PIGX: variants seen among roughly 807,000 people sequenced by gnomAD.
The protein encoded by PIGX is phosphatidylinositol glycan anchor biosynthesis class X, also known as GPI alpha-1,4-mannosyltransferase I, stabilizing subunit.
PIGX carries 24 observed loss-of-function variants against 28.7 expected under a neutral mutation model. The ratio of observed to expected loss-of-function variants is 0.84; its 90% CI spans 0.60 to 1.17. The LOEUF is 1.17. Ranked by LOEUF, PIGX falls within the 50% of genes most tolerant of loss-of-function variation. The pLI, the probability that PIGX is intolerant of heterozygous loss-of-function variation, is 0.00. For missense variants in PIGX, 305 were observed against 317.8 expected (o/e 0.96, Z 0.31); for synonymous variants, 127 against 121.0 (o/e 1.05, Z -0.33).
rs1712943904 is a variant in PIGX, at chr3:196,734,816, G to A, written c.*914G>A. ...TATATGAATTGGCAAAGGACTTGAT[G>A]AAACTGAGTACTAAGATTTGGTACA... On this transcript the variant is annotated 3_prime_UTR_variant, in exon 6 of 6. Transcript: ENST00000392391. 1 of 152,146 alleles carries A rather than the reference G, an allele frequency of 6.6e-6. No individual in the cohort carries two copies. Among genetic ancestry groups the A allele is most frequent in the Admixed American group, 6.5e-5 (1 of 15,272 alleles). 9.4% of individuals were successfully genotyped at this position (152,146 alleles called of 1,614,324 possible).
At chr3:196,718,235 G>T (rs937534629) in intron 2 of PIGX, among the ~76,000 whole-genome samples, 2 of 152,014 alleles carry the variant, frequency 1.3e-5, no homozygotes, top group African/African-American at 4.8e-5. Flanking sequence ...GCTTGAACCC[G>T]GGAGGCAGAG....
At position 196,716,866 on chromosome 3, in the gene PIGX, GC is replaced by G; in HGVS notation, c.123del (p.Met42CysfsTer7). 1 of 1,600,140 alleles carries G rather than the reference GC, an allele frequency of 6.2e-7. No individual in the cohort carries two copies. The highest frequency in any genetic ancestry group is 8.6e-7 in the Non-Finnish European group (1 of 1,168,262). On this transcript the variant is annotated frameshift_variant, in exon 2 of 6. Transcript: ENST00000392391. LOFTEE classifies it high-confidence loss of function. The stretch of plus-strand genomic sequence containing the variant: ...TCGTTTGGTTCTTATAGGCATAAGG[GC>G]CATGTGTTCTGAAATTATTTTGAGG...
At chr3:196,712,831 G>A (rs777724130) in intron 1 of PIGX, 187 bp downstream of exon 1, 27 of 1,098,348 alleles carry the variant, frequency 2.5e-5, no homozygotes, top group Non-Finnish European at 3.0e-5. Flanking sequence ...GGCGGATCCC[G>A]GGTCTCCGGG....
rs1331979092 is a variant in PIGX, at chr3:196,734,706, A to T, written c.*804A>T. The T allele has an allele frequency of 2.0e-5, 3 of 152,258 alleles. No individual in the cohort carries two copies. The highest frequency in any genetic ancestry group is 7.2e-5 in the African/African-American group (3 of 41,462). The allele number at this position is 152,258 out of a possible 1,614,324, so 9.4% of individuals were successfully genotyped here. The stretch of plus-strand genomic sequence containing the variant: ...GGACAGCTAAGAAATTAATATTAAT[A>T]TCAAAATTATTGATAATCTTAAATT... On this transcript the variant is annotated 3_prime_UTR_variant, in exon 6 of 6. Coordinates refer to ENST00000392391, the MANE Select transcript of PIGX (RefSeq NM_017861.4).
At chr3:196,717,830 G>C (rs1346396078) in intron 2 of PIGX, 1 of 151,964 alleles carries the variant, frequency 6.6e-6, no homozygotes, top group Non-Finnish European at 1.5e-5. Flanking sequence ...TGACCAAGCT[G>C]TTTCCAAAAA....
At chr3:196,722,614 G>T (rs1712366447) in intron 3 of PIGX, 58 bp downstream of exon 3, 3 of 1,442,160 alleles carry the variant, frequency 2.1e-6, no homozygotes, top group Non-Finnish European at 2.9e-6. Context: ...CTGTAGTTTG[G>T]ATTAAGGAAA....
chr3:196,720,616 G>C (rs947951798), intron 2 of PIGX, among the ~76,000 whole-genome samples: 1 of 152,144 alleles, frequency 6.6e-6, no homozygotes, highest in Non-Finnish European at 1.5e-5. Flanking sequence ...AGAGTTTTCT[G>C]TAGTGGCCAC....
intron 4 of PIGX, among the ~76,000 whole-genome samples, chr3:196,730,769 A>G (rs921624663): frequency 1.3e-5 from 2 of 151,078 alleles, no homozygotes; most frequent in Non-Finnish European, 2.9e-5. Context: ...AAAAAAAAAA[A>G]AAGAAGTCAT....
chr3:196,722,880 C>T (rs1467931205), intron 3 of PIGX, among the ~76,000 whole-genome samples: 2 of 151,872 alleles, frequency 1.3e-5, no homozygotes, highest in Non-Finnish European at 2.9e-5. Flanking sequence ...TGACATATAC[C>T]CCAACATCTG....
intron 3 of PIGX, chr3:196,726,564 CTA>C (rs1302993670): frequency 4.7e-6 from 2 of 425,404 alleles, no homozygotes; most frequent in Non-Finnish European, 9.4e-6. Context: ...CTCCTGTACT[CTA>C]TGAGTACTTC....
chr3:196,712,649 G>A lies in PIGX; in HGVS notation c.112+5G>A. 1 of 1,187,092 alleles carries A rather than the reference G, an allele frequency of 8.4e-7. No homozygotes were observed. Among genetic ancestry groups the A allele is most frequent in the South Asian group, 4.2e-5 (1 of 23,836 alleles). The allele number at this position is 1,187,092 out of a possible 1,614,324, so 73.5% of individuals were successfully genotyped here. A position where few individuals can be genotyped will look rare whatever the true frequency, so the allele number is the denominator to read the frequency against. ...CCGCCGCGCGCTCTGACGCCGGTAA[G>A]GGGGGCGGGGCTTGGGGGGCCAGAG... On this transcript the variant is annotated splice_donor_5th_base_variant and intron_variant, in intron 1 of 5. Coordinates refer to ENST00000392391, the MANE Select transcript of PIGX (RefSeq NM_017861.4).
At position 196,735,776 on chromosome 3, in the gene PIGX, A is replaced by T. The variant is rs943981436; in HGVS notation, c.*1874A>T. ...TCAGGCATTGTTTTGGGATATGGTTAGATTGACAGGCAACGTTTTGGAATA... is the reference window on the plus strand; with the variant it reads ...TCAGGCATTGTTTTGGGATATGGTTTGATTGACAGGCAACGTTTTGGAATA... On this transcript the variant is annotated 3_prime_UTR_variant, in exon 6 of 6. Coordinates refer to ENST00000392391, the MANE Select transcript of PIGX (RefSeq NM_017861.4). 4 of 152,238 alleles carry T rather than the reference A, an allele frequency of 2.6e-5. No individual in the cohort carries two copies. The East Asian group carries it at 7.7e-4, about 29-fold the overall frequency. The allele number at this position is 152,238 out of a possible 1,614,324, so 9.4% of individuals were successfully genotyped here.
chr3:196,712,616 G>C lies in PIGX; in HGVS notation c.84G>C (p.Ala28=). The C allele has an allele frequency of 8.4e-7, 1 of 1,189,996 alleles. No homozygotes were observed. Among genetic ancestry groups the C allele is most frequent in the Non-Finnish European group, 1.0e-6 (1 of 960,978 alleles). 73.7% of individuals were successfully genotyped at this position (1,189,996 alleles called of 1,614,324 possible). The change falls in exon 1 of 6, where the codon GCG becomes GCC. Residue 28 remains alanine (A), a synonymous_variant. Coordinates refer to ENST00000392391, the MANE Select transcript of PIGX (RefSeq NM_017861.4). ...CCGGGCTCACGCGCGGGCCCGCCGC[G>C]GCCTTCACCGCCGCGCGCTCTGACG... is the stretch of plus-strand genomic sequence containing the variant.
chr3:196,724,833 T>G (rs1712460479), intron 3 of PIGX, among the ~76,000 whole-genome samples: 1 of 152,212 alleles, frequency 6.6e-6, no homozygotes, highest in African/African-American at 2.4e-5. Context: ...TATTATATAA[T>G]AAGTGTAACT....
In PIGX at chr3:196,728,202, T is replaced by G. The variant is rs1712603423; in HGVS notation, c.532+66T>G. ...ATAAAGGTATGGTGGCAAGTCCTCC[T>G]TCTGCTAGGCTGGCTGGCAAGGCCC... On this transcript the variant is annotated intron_variant, in intron 4 of 5. Coordinates refer to ENST00000392391, the MANE Select transcript of PIGX (RefSeq NM_017861.4). 6 of 1,321,570 alleles carry G rather than the reference T, an allele frequency of 4.5e-6. No individual in the cohort carries two copies. The Admixed American group carries it at 5.7e-5, about 13-fold the overall frequency. The allele number at this position is 1,321,570 out of a possible 1,614,324, so 81.9% of individuals were successfully genotyped here.
chr3:196,731,123 T>A, intron 5 of PIGX, 31 bp downstream of exon 5: 1 of 1,167,120 alleles, frequency 8.6e-7, no homozygotes, highest in Non-Finnish European at 1.3e-6. Context: ...GTTTTTTAGA[T>A]CATGTGCCTC....
chr3:196,727,844 AT>A (rs1162060837), intron 3 of PIGX, 78 bp from the exon 4 acceptor site: 3 of 972,954 alleles, frequency 3.1e-6, no homozygotes, highest in Non-Finnish European at 4.8e-6. Flanking sequence ...GTATCTGTAT[AT>A]AGTCTTCTGG....
At chr3:196,724,876 G>A (rs1318253935) in intron 3 of PIGX, among the ~76,000 whole-genome samples, 1 of 152,154 alleles carries the variant, frequency 6.6e-6, no homozygotes, top group East Asian at 1.9e-4. Flanking sequence ...GGGACTGATT[G>A]ATGCTTGTAT....
intron 5 of PIGX, among the ~76,000 whole-genome samples, chr3:196,731,700 TTTGA>T (rs1474836901): frequency 4.6e-5 from 7 of 152,212 alleles, no homozygotes; most frequent in African/African-American, 9.7e-5. Context: ...GAGACCTGCA[TTTGA>T]TTGATTATGT....
Sources: gnomAD v4.1 joint callset for allele counts (sites outside exome capture counted in the v4.1 genomes callset) on GRCh38, gnomAD v4.1.1 for gene constraint, MANE v1.5 for transcripts, NCBI Gene and HGNC (gene_info 2026-07-23, HGNC 2026-07-21) for gene names.